Variants in HPS5 observed in about 807,000 individuals in gnomAD.
HPS5 encodes the protein HPS5 biogenesis of lysosomal organelles complex 2 subunit 2.
A neutral mutation model predicts 128.0 loss-of-function variants in HPS5; 83 were observed. The ratio of observed to expected loss-of-function variants is 0.65; its 90% CI spans 0.54 to 0.78. The LOEUF (loss-of-function observed/expected upper bound fraction) is 0.78, where lower values mean the gene tolerates loss of function less well. Ranked by LOEUF, HPS5 falls within the 30% of genes least tolerant of loss-of-function variation. The pLI is 0.00. For synonymous variants in HPS5, 475 were observed against 470.2 expected (o/e 1.01, Z -0.13); for missense variants, 1,281 against 1,326.2 (o/e 0.97, Z 0.53).
chr11:18,283,281 C>T (rs1222090591), intron 21 of HPS5, among the ~76,000 whole-genome samples: 1 of 149,368 alleles, frequency 6.7e-6, no homozygotes, highest in African/African-American at 2.5e-5. Context: ...GAATTACAAG[C>T]GTGAGCCACC....
At chr11:18,288,631 T>C (rs1181842763) in intron 16 of HPS5, among the ~76,000 whole-genome samples, 2 of 152,114 alleles carry the variant, frequency 1.3e-5, no homozygotes, top group East Asian at 3.9e-4. Flanking sequence ...GTAAAGTGGG[T>C]TTTTTTCCAA....
chr11:18,306,294 C>A lies in HPS5; in HGVS notation c.665G>T (p.Cys222Phe), dbSNP rs755899774. The A allele has an allele frequency of 6.2e-7, 1 of 1,614,136 alleles. No homozygotes were observed. Among genetic ancestry groups the A allele is most frequent in the Non-Finnish European group, 8.5e-7 (1 of 1,180,006 alleles). ...CCCAGAACATCTTCCAGGAAAGAAA[C>A]AAGCTCCATATTCTCCATCTCTTTC... ...NKERDGEYGA[C>F]FFPGRCSGGQ... is the part of the protein sequence containing the mutation. Residue 222 changes from cysteine (C) to phenylalanine (F), a missense_variant, in exon 7 of 23, where the codon TGT becomes TTT. Coordinates refer to ENST00000349215, the MANE Select transcript of HPS5 (RefSeq NM_181507.2).
chr11:18,298,403 G>A (rs1861335064), intron 10 of HPS5, among the ~76,000 whole-genome samples: 1 of 152,064 alleles, frequency 6.6e-6, no homozygotes, highest in African/African-American at 2.4e-5. Context: ...GCTGAGACAC[G>A]CGAATTGCTT....
chr11:18,321,502 T>G (rs983695183), intron 1 of HPS5, among the ~76,000 whole-genome samples: 2 of 152,214 alleles, frequency 1.3e-5, no homozygotes, highest in Non-Finnish European at 2.9e-5. Context: ...GAGACTGGCT[T>G]GCCCAAGGAT....
chr11:18,291,411 T>C, intron 16 of HPS5, 31 bp downstream of exon 16: 1 of 1,405,946 alleles, frequency 7.1e-7, no homozygotes, highest in South Asian at 1.2e-5. Flanking sequence ...AATACGAATT[T>C]CTATCTTTGA....
At chr11:18,319,211 T>C (rs1590161059) in intron 1 of HPS5, among the ~76,000 whole-genome samples, 1 of 149,826 alleles carries the variant, frequency 6.7e-6, no homozygotes, top group East Asian at 2.0e-4. Context: ...AGTAAAATAA[T>C]TCCAGAAGTC....
chr11:18,291,677 G>A lies in HPS5; in HGVS notation c.2205C>T (p.Asn735=), dbSNP rs140737606. The A allele has an allele frequency of 1.4e-4, 219 of 1,614,180 alleles. 1 individual carries two copies. The highest frequency in any genetic ancestry group is 6.7e-5 in the East Asian group (3 of 44,884). Residue 735 remains asparagine (N), a synonymous_variant, in exon 16 of 23, where the codon AAC becomes AAT. Transcript: ENST00000349215. ...SPCAIASGLR[N]DLAELTTLCL... Reference sequence around the variant, plus strand: ...ATAATGTTGTCAATTCAGCCAGGTCGTTCCGAAGACCACTTGCAATGGCGC... The same window carrying A: ...ATAATGTTGTCAATTCAGCCAGGTCATTCCGAAGACCACTTGCAATGGCGC...
At chr11:18,296,638 A>G (rs1177111557) in intron 12 of HPS5, 160 bp downstream of exon 12, 1 of 783,912 alleles carries the variant, frequency 1.3e-6, no homozygotes, top group Non-Finnish European at 2.3e-6. Flanking sequence ...CAACTCTTCT[A>G]GTAGGGGGCA....
chr11:18,308,051 C>A (rs74828299), intron 6 of HPS5, among the ~76,000 whole-genome samples: 1,552 of 152,126 alleles, frequency 0.01, 21 homozygotes, highest in African/African-American at 0.035. Flanking sequence ...AGCTGCCAGG[C>A]CCAGTGAAAA....
At chr11:18,284,061 C>T (rs558657091) in intron 20 of HPS5, among the ~76,000 whole-genome samples, 160 bp from the exon 21 acceptor site, 86 of 152,102 alleles carry the variant, frequency 5.7e-4, no homozygotes, top group African/African-American at 2.0e-3. Flanking sequence ...AATATATTCA[C>T]ATTTCAAGTA....
At position 18,282,182 on chromosome 11, in the gene HPS5, G is replaced by A. The variant is rs145096977; in HGVS notation, c.3097C>T (p.Leu1033Phe). 206 of 1,614,142 alleles carry A rather than the reference G, an allele frequency of 1.3e-4. 2 individuals are homozygous for A. In the African/African-American group the frequency reaches 1.7e-3, roughly 14 times the overall value. ...GTGCTCTTGCTCTGTATGAGATGAAGGAGAAGCTTCCATTCCTCCACGGTC... is the reference window on the plus strand; with the variant it reads ...GTGCTCTTGCTCTGTATGAGATGAAAGAGAAGCTTCCATTCCTCCACGGTC... Reference protein sequence around the residue: ...PETVEEWKLLLHLIQSKSTRP... With the variant: ...PETVEEWKLLFHLIQSKSTRP... Residue 1033 changes from leucine (L) to phenylalanine (F), a missense_variant, in exon 22 of 23, where the codon CTT becomes TTT. By Grantham distance (22) the Leu-to-Phe change is conservative. Transcript: ENST00000349215.
At chr11:18,308,906 A>G in intron 6 of HPS5, 40 bp downstream of exon 6, 1 of 1,608,692 alleles carries the variant, frequency 6.2e-7, no homozygotes, top group Middle Eastern at 1.7e-4. Context: ...CCCAGTTCTA[A>G]AATTCTGCAT....
intron 20 of HPS5, among the ~76,000 whole-genome samples, chr11:18,284,289 T>C (rs1859405448): frequency 6.6e-6 from 1 of 152,198 alleles, no homozygotes; most frequent in Non-Finnish European, 1.5e-5. Flanking sequence ...CTAGCATATT[T>C]CTTCTCCAAA....
At position 18,310,896 on chromosome 11, in the gene HPS5, G is replaced by A. The variant is rs201474405; in HGVS notation, c.322C>T (p.Arg108Cys). 34 of 1,614,046 alleles carry A rather than the reference G, an allele frequency of 2.1e-5. No homozygotes were observed. The East Asian group carries it at 6.0e-4, about 29-fold the overall frequency. The change falls in exon 5 of 23, where the codon CGT (arginine) becomes TGT (cysteine). Residue 108 changes from arginine (R) to cysteine (C), a missense_variant. Coordinates refer to ENST00000349215, the MANE Select transcript of HPS5 (RefSeq NM_181507.2). ...LVVVWELNQE[R>C]RGKPEQMYVS... ...TACATTTGTTCCGGTTTCCCACGACGCTCTTGATTTAATTCCCAAACAACC... is the reference window on the plus strand; with the variant it reads ...TACATTTGTTCCGGTTTCCCACGACACTCTTGATTTAATTCCCAAACAACC...
At chr11:18,281,375 T>C (rs1221425742) in intron 22 of HPS5, among the ~76,000 whole-genome samples, 2 of 151,294 alleles carry the variant, frequency 1.3e-5, no homozygotes, top group Non-Finnish European at 2.9e-5. Context: ...ATTACAGGCA[T>C]AAGCCACCGT....
chr11:18,302,311 C>T (rs1590105693), intron 8 of HPS5, among the ~76,000 whole-genome samples: 1 of 152,174 alleles, frequency 6.6e-6, no homozygotes, highest in Non-Finnish European at 1.5e-5. Flanking sequence ...ATCTCCACTT[C>T]CTAATGCTGT....
chr11:18,299,653 C>T lies in HPS5; in HGVS notation c.986-683G>A, dbSNP rs1437180959. 2.6e-5 allele frequency among the ~76,000 whole-genome samples: 4 copies of T among 152,212 alleles called. No individual in the cohort carries two copies. In the South Asian group the frequency reaches 8.3e-4, roughly 31 times the overall value. On this transcript the variant is annotated intron_variant, in intron 9 of 22. Coordinates refer to ENST00000349215, the MANE Select transcript of HPS5 (RefSeq NM_181507.2). ...ATAGAGATTGATTTTCTGTCTCAGT[C>T]ACATATGATGGCTGTTGCTCCCACA...
intron 1 of HPS5, among the ~76,000 whole-genome samples, chr11:18,319,619 G>C (rs1864068557): frequency 6.6e-6 from 1 of 152,160 alleles, no homozygotes; most frequent in Admixed American, 6.5e-5. Context: ...TCAAACCAAA[G>C]AACCTGAACT....
At position 18,318,046 on chromosome 11, in the gene HPS5, C is replaced by T; in HGVS notation, c.-49-139G>A. The stretch of plus-strand genomic sequence containing the variant: ...CTTAGAAAGAAAACACATAAGGTAA[C>T]ATCGTATGCCACAGTGTGTTTACAT... On this transcript the variant is annotated intron_variant, in intron 1 of 22. Transcript: ENST00000349215. 4.7e-6 allele frequency: 3 copies of T among 640,450 alleles called. No individual in the cohort carries two copies. In the South Asian group the frequency reaches 5.9e-5, roughly 13 times the overall value. The allele number at this position is 640,450 out of a possible 1,614,324, so 39.7% of individuals were successfully genotyped here.
Sources: gnomAD v4.1 joint callset for allele counts (sites outside exome capture counted in the v4.1 genomes callset) on GRCh38, gnomAD v4.1.1 for gene constraint, MANE v1.5 for transcripts, NCBI Gene and HGNC (gene_info 2026-07-23, HGNC 2026-07-21) for gene names.